KNTC1: variants seen among roughly 807,000 people sequenced by gnomAD.
The protein encoded by KNTC1 is kinetochore-associated protein 1.
KNTC1 carries 253 observed loss-of-function variants against 314.4 expected under a neutral mutation model. The observed-to-expected ratio is 0.80, with a 90% confidence interval of 0.73 to 0.89. KNTC1 has a LOEUF of 0.89. Among genes scored for constraint, KNTC1 ranks in the 40% least tolerant of loss-of-function variants. The pLI is 0.00. For missense variants in KNTC1, 2,475 were observed against 2,572.9 expected (o/e 0.96, Z 0.82); for synonymous variants, 901 against 901.4 (o/e 1.00, Z 0.01).
intron 2 of KNTC1, among the ~76,000 whole-genome samples, chr12:122,534,257 A>G (rs895674718): frequency 6.6e-6 from 1 of 152,170 alleles, no homozygotes. Context: ...AGTAGACTCT[A>G]TTCTTTCATG....
At position 122,541,261 on chromosome 12, in the gene KNTC1, TTGCC is replaced by T. The variant is rs201311150; in HGVS notation, c.446-763_446-760del. ...AGTTCCAGATACTGTTTGTTTGTGCTTGCCTGCCTGCCTGCCTGCCTGCCTGCCT... is the reference window on the plus strand; with the variant it reads ...AGTTCCAGATACTGTTTGTTTGTGCTTGCCTGCCTGCCTGCCTGCCTGCCT... On this transcript the variant is annotated intron_variant, in intron 5 of 63. Coordinates refer to ENST00000333479, the MANE Select transcript of KNTC1 (RefSeq NM_014708.6). Among the ~76,000 whole-genome samples the T allele has an allele frequency of 8.1e-4, 111 of 137,358 alleles. 1 individual carries two copies. The highest frequency in any genetic ancestry group is 1.5e-3 in the African/African-American group (53 of 34,316). The allele number at this position is 137,358 out of a possible 152,430, so 90.1% of individuals were successfully genotyped here.
chr12:122,530,628 T>A (rs1593466061), intron 2 of KNTC1, among the ~76,000 whole-genome samples: 1 of 151,992 alleles, frequency 6.6e-6, no homozygotes, highest in East Asian at 1.9e-4. Context: ...TTTTTTGTAT[T>A]TTTGTAAAGA....
chr12:122,543,514 T>C, intron 6 of KNTC1, 86 bp from the exon 7 acceptor site: 1 of 1,011,688 alleles, frequency 9.9e-7, no homozygotes, highest in South Asian at 1.6e-5. Flanking sequence ...AGATTGTATT[T>C]AATTTCACCT....
chr12:122,621,341 G>C (rs756669450), intron 60 of KNTC1, among the ~76,000 whole-genome samples: 3 of 152,110 alleles, frequency 2.0e-5, no homozygotes, highest in Non-Finnish European at 2.9e-5. Flanking sequence ...ATGCATTCAG[G>C]CTTTTTCGTT....
chr12:122,554,077 ATATATAT>A (rs1242354878), intron 16 of KNTC1, among the ~76,000 whole-genome samples: 33 of 54,562 alleles, frequency 6.0e-4, no homozygotes, highest in African/African-American at 2.3e-3. Flanking sequence ...AAAAAAAAAA[ATATATAT>A]ATATATATAT....
At chr12:122,584,103 G>A (rs552459580) in intron 34 of KNTC1, among the ~76,000 whole-genome samples, 175 bp from the exon 35 acceptor site, 14 of 152,278 alleles carry the variant, frequency 9.2e-5, no homozygotes, top group African/African-American at 1.2e-4. Context: ...CTGCCTAGGC[G>A]ATAGGGCTAG....
At position 122,577,773 on chromosome 12, in the gene KNTC1, G is replaced by A. The variant is rs780579772; in HGVS notation, c.2823G>A (p.Glu941=). 11 of 1,612,816 alleles carry A rather than the reference G, an allele frequency of 6.8e-6. No individual in the cohort carries two copies. The highest frequency in any genetic ancestry group is 9.3e-6 in the Non-Finnish European group (11 of 1,179,466). Residue 941 remains glutamate (E), a synonymous_variant, in exon 31 of 64, where the codon GAG becomes GAA. Coordinates refer to ENST00000333479, the MANE Select transcript of KNTC1 (RefSeq NM_014708.6). ...GGGCACGACTGGCATTACAAGAAGA[G>A]CCAGATCATTCTAAAGAGGTGACAT... The part of the protein sequence containing the change: ...IIWARLALQE[E]PDHSKEGKAW...
chr12:122,542,823 T>G (rs1288945012), intron 6 of KNTC1, among the ~76,000 whole-genome samples: 4 of 152,172 alleles, frequency 2.6e-5, no homozygotes, highest in African/African-American at 9.7e-5. Flanking sequence ...GCTAGTAGTC[T>G]GGACCATTTA....
chr12:122,586,388 C>T (rs1869304618), intron 37 of KNTC1, among the ~76,000 whole-genome samples: 1 of 152,002 alleles, frequency 6.6e-6, no homozygotes, highest in Admixed American at 6.6e-5. Flanking sequence ...GGCCGATGTT[C>T]TATTTCTTGA....
intron 8 of KNTC1, among the ~76,000 whole-genome samples, chr12:122,544,485 AT>A (rs1186435786): frequency 6.6e-6 from 1 of 152,182 alleles, no homozygotes; most frequent in Non-Finnish European, 1.5e-5. Context: ...AAAGTACAGC[AT>A]TTTTTTCAAT....
rs1566026462 is a variant in KNTC1 at position 122,624,611 on chromosome 12, T to C, written c.6529T>C (p.Ser2177Pro). Residue 2177 changes from serine (S) to proline (P), a missense_variant, in exon 63 of 64, where the codon TCA (serine) becomes CCA (proline). By Grantham distance (74) the Ser-to-Pro change is moderately conservative. Transcript: ENST00000333479. ...LANDLSLDEA[S>P]VLITEYSKHC... The stretch of plus-strand genomic sequence containing the variant: ...TTGATTTTGTAGTTTAGATGAAGCT[T>C]CAGTCTTGATAACTGAATATTCAAA... The C allele has an allele frequency of 4.3e-6, 7 of 1,612,238 alleles. No homozygotes were observed. The South Asian group carries it at 7.7e-5, about 18-fold the overall frequency.
intron 16 of KNTC1, among the ~76,000 whole-genome samples, chr12:122,552,006 C>T (rs1963232899): frequency 6.6e-6 from 1 of 152,010 alleles, no homozygotes; most frequent in African/African-American, 2.4e-5. Flanking sequence ...CTCCTGGGTT[C>T]AAGCGATTCT....
intron 52 of KNTC1, 32 bp from the exon 53 acceptor site, chr12:122,610,790 A>C (rs754580025): frequency 1.4e-6 from 2 of 1,418,692 alleles, no homozygotes; most frequent in South Asian, 2.3e-5. Context: ...CACTAAATTA[A>C]AAAATGACTG....
At position 122,531,277 on chromosome 12, in the gene KNTC1, G is replaced by T. The variant is rs552035625; in HGVS notation, c.129+1085G>T. ...CTTGCTGTGGTGCTATCTCGGCTCG[G>T]CTCACTGCAACCTCTGCCTCCTGGG... On this transcript the variant is annotated intron_variant, in intron 2 of 63. Transcript: ENST00000333479. 2.2e-4 allele frequency among the ~76,000 whole-genome samples: 34 copies of T among 152,126 alleles called. No homozygotes were observed. In the Middle Eastern group the frequency reaches 0.017, roughly 76 times the overall value.
intron 43 of KNTC1, among the ~76,000 whole-genome samples, chr12:122,596,303 G>C (rs1162243385): frequency 6.6e-6 from 1 of 151,738 alleles, no homozygotes. Context: ...GGCTGGTCTT[G>C]AACTCCTGAG....
chr12:122,613,088 T>G (rs1253108556), intron 53 of KNTC1, 24 bp from the exon 54 acceptor site: 4 of 1,387,536 alleles, frequency 2.9e-6, no homozygotes, highest in Admixed American at 3.5e-5. Context: ...TGTTCAACTC[T>G]CCAAACCTCT....
At chr12:122,588,660 C>A in intron 39 of KNTC1, 52 bp from the exon 40 acceptor site, 2 of 1,244,500 alleles carry the variant, frequency 1.6e-6, no homozygotes, top group Non-Finnish European at 2.1e-6. Flanking sequence ...AAAAAATTTT[C>A]AGAATGTTAT....
intron 62 of KNTC1, 51 bp downstream of exon 62, chr12:122,622,658 A>G: frequency 3.5e-6 from 5 of 1,430,736 alleles, no homozygotes; most frequent in Non-Finnish European, 4.7e-6. Context: ...CTTAAAATCT[A>G]TCTTTATAAG....
chr12:122,601,740 G>A (rs1005116225), intron 45 of KNTC1, 115 bp downstream of exon 45: 1 of 1,037,472 alleles, frequency 9.6e-7, no homozygotes, highest in Non-Finnish European at 1.3e-6. Flanking sequence ...TTTAAACTCT[G>A]TGGTTTATTT....
Sources: gnomAD v4.1 joint callset for allele counts (sites outside exome capture counted in the v4.1 genomes callset) on GRCh38, gnomAD v4.1.1 for gene constraint, MANE v1.5 for transcripts, NCBI Gene and HGNC (gene_info 2026-07-23, HGNC 2026-07-21) for gene names.